The following LRRC9 variants were observed in gnomAD, a reference collection of about 807,000 sequenced individuals.
LRRC9 encodes leucine-rich repeat-containing protein 9.
LRRC9 carries 122 observed loss-of-function variants against 63.2 expected under a neutral mutation model. That is an observed-to-expected ratio of 1.93 (90% confidence interval 1.67 to 2.24). The LOEUF (loss-of-function observed/expected upper bound fraction) is 2.24, where lower values mean the gene tolerates loss of function less well. LRRC9 is among the 30% of genes most tolerant of loss of function. The pLI is 0.00. For missense variants in LRRC9, 1,071 were observed against 627.7 expected, an observed-to-expected ratio of 1.71 and a Z score of -7.55; for synonymous variants, 366 against 213.1, an observed-to-expected ratio of 1.72 and a Z score of -6.25.
chr14:59,991,866 T>C (rs980654858), intron 17 of LRRC9, among the ~76,000 whole-genome samples: 53 of 145,940 alleles, frequency 3.6e-4, no homozygotes, highest in Admixed American at 4.7e-4. Flanking sequence ...TGCCTGCCTC[T>C]GTAGACTCCA....
intron 16 of LRRC9, among the ~76,000 whole-genome samples, chr14:59,982,552 T>C (rs1887044638): frequency 6.6e-6 from 1 of 152,152 alleles, no homozygotes; most frequent in Admixed American, 6.5e-5. Flanking sequence ...GAGCTGATTT[T>C]ATAACAAATT....
At chr14:59,976,031 T>A (rs1445245344) in intron 13 of LRRC9, among the ~76,000 whole-genome samples, 2 of 152,224 alleles carry the variant, frequency 1.3e-5, no homozygotes, top group Admixed American at 1.3e-4. Context: ...TTGATTCTTA[T>A]AGGGGCGCGA....
intron 12 of LRRC9, among the ~76,000 whole-genome samples, chr14:59,968,479 G>T (rs1885101506): frequency 6.6e-6 from 1 of 152,162 alleles, no homozygotes; most frequent in South Asian, 2.1e-4. Flanking sequence ...CCCCAAAAAA[G>T]CATTCCATCC....
chr14:59,982,496 C>T (rs529161971), intron 16 of LRRC9, among the ~76,000 whole-genome samples: 1 of 152,044 alleles, frequency 6.6e-6, no homozygotes, highest in Non-Finnish European at 1.5e-5. Flanking sequence ...CATAAAATGG[C>T]AGTGGGCATC....
In LRRC9 at chr14:59,923,833, C is replaced by G. The variant is rs1320950301; in HGVS notation, c.-34+3950C>G. The stretch of plus-strand genomic sequence containing the variant: ...GCAGGCGCCTATAGTTCCAGCGACT[C>G]CGAAGGCTGAGGCAGGAGTATGGCG... On this transcript the variant is annotated intron_variant, in intron 1 of 31. Coordinates refer to ENST00000445360, the Ensembl canonical transcript of LRRC9. This position sits in a 1 kb window ranked among gnomAD's most constrained non-coding sequence, Gnocchi z 4.2. Among the ~76,000 whole-genome samples the G allele has an allele frequency of 6.6e-6, 1 of 152,126 alleles. No individual in the cohort carries two copies. Among genetic ancestry groups the G allele is most frequent in the Middle Eastern group, 3.2e-3 (1 of 316 alleles).
chr14:59,920,686 C>T (rs1888697510), intron 1 of LRRC9, among the ~76,000 whole-genome samples: 2 of 152,144 alleles, frequency 1.3e-5, no homozygotes, highest in African/African-American at 4.8e-5. Flanking sequence ...TTGACCCATA[C>T]AGGACTTCTA....
chr14:59,963,748 A>G (rs1199670196), intron 10 of LRRC9, among the ~76,000 whole-genome samples: 1 of 152,138 alleles, frequency 6.6e-6, no homozygotes. Flanking sequence ...CTTTATAAAG[A>G]TTTCATGCTA....
intron 29 of LRRC9, among the ~76,000 whole-genome samples, chr14:60,039,131 A>T (rs1248565766): frequency 2.0e-5 from 3 of 152,234 alleles, no homozygotes; most frequent in Non-Finnish European, 2.9e-5. Context: ...ATCGTGGTGG[A>T]TAAGCTTTTT....
intron 12 of LRRC9, among the ~76,000 whole-genome samples, chr14:59,973,682 ATT>A (rs1885785993): frequency 6.6e-6 from 1 of 151,940 alleles, no homozygotes; most frequent in Non-Finnish European, 1.5e-5. Flanking sequence ...TTTGTATTGC[ATT>A]TTTTTCCTGA....
chr14:59,953,071 G>T (rs1269048884), intron 8 of LRRC9, among the ~76,000 whole-genome samples: 1 of 152,206 alleles, frequency 6.6e-6, no homozygotes, highest in Non-Finnish European at 1.5e-5. Flanking sequence ...ATGGGCATTT[G>T]TGTTGGTTCC....
chr14:59,938,988 C>T lies in LRRC9; in HGVS notation c.726+416C>T, dbSNP rs1266663232. Among the ~76,000 whole-genome samples, 3 of 119,496 alleles carry T rather than the reference C, an allele frequency of 2.5e-5. No homozygotes were observed. Among genetic ancestry groups the T allele is most frequent in the East Asian group, 2.5e-4 (1 of 4,070 alleles). The allele number at this position is 119,496 out of a possible 152,430, so 78.4% of individuals were successfully genotyped here. ...ATATATACATATATACATATATACA[C>T]ACATATATACATATACATATATACA... is the stretch of plus-strand genomic sequence containing the variant. On this transcript the variant is annotated intron_variant, in intron 7 of 31. Transcript: ENST00000445360. This position sits in a 1 kb window ranked among gnomAD's most constrained non-coding sequence, Gnocchi z 4.2.
chr14:59,928,214 C>A (rs529403879), intron 2 of LRRC9, 54 bp from the exon 3 acceptor site: 1 of 564,042 alleles, frequency 1.8e-6, no homozygotes, highest in Non-Finnish European at 3.1e-6. Flanking sequence ...TGGTAAAAGT[C>A]ATCTTTTAAT....
intron 16 of LRRC9, among the ~76,000 whole-genome samples, chr14:59,983,736 T>G (rs1594939975): frequency 6.6e-6 from 1 of 151,816 alleles, no homozygotes; most frequent in Non-Finnish European, 1.5e-5. Flanking sequence ...GCTGGAAGAG[T>G]ATGAGGTTGT....
At chr14:60,038,424 T>C (rs985606533) in intron 29 of LRRC9, among the ~76,000 whole-genome samples, 5 of 152,190 alleles carry the variant, frequency 3.3e-5, no homozygotes, top group African/African-American at 1.2e-4. Flanking sequence ...CATTTGTTTG[T>C]GTCCTCTTTT....
chr14:59,995,995 C>T (rs1888743916), intron 17 of LRRC9, among the ~76,000 whole-genome samples: 1 of 152,164 alleles, frequency 6.6e-6, no homozygotes, highest in Non-Finnish European at 1.5e-5. Flanking sequence ...CCGCCTCAGC[C>T]TCCCAAAGTG....
rs1032393760 is a variant in LRRC9, at chr14:59,923,166, G to A, written c.-34+3283G>A. ...GAACCCTTGAGTCCATTTGTGACTG[G>A]AGAAAACATACAAGACTTGTAAGTA... On this transcript the variant is annotated intron_variant, in intron 1 of 31. Transcript: ENST00000445360. The surrounding 1 kb of genome is among the most constrained non-coding windows in gnomAD (Gnocchi z 4.2). Among the ~76,000 whole-genome samples, 5 of 152,162 alleles carry A rather than the reference G, an allele frequency of 3.3e-5. No individual in the cohort carries two copies. The highest frequency in any genetic ancestry group is 6.5e-5 in the Admixed American group (1 of 15,274).
At chr14:60,028,250 C>G (rs1891711569) in intron 28 of LRRC9, 149 bp downstream of exon 28, 1 of 578,386 alleles carries the variant, frequency 1.7e-6, no homozygotes, top group Non-Finnish European at 3.1e-6. Flanking sequence ...TAGAAATAGT[C>G]TGTGATGCAG....
rs868302715 is a variant in LRRC9 at position 60,042,161 on chromosome 14, C to G, written c.3990+10098C>G. Among the ~76,000 whole-genome samples, 1 of 152,248 alleles carries G rather than the reference C, an allele frequency of 6.6e-6. No homozygotes were observed. ...TGTATGAGGTGTCAGTCAGCCCCTA[C>G]TGGGACGTGCCTCCCAGTTAGGCTA... On this transcript the variant is annotated intron_variant, in intron 29 of 31. Coordinates refer to ENST00000445360, the Ensembl canonical transcript of LRRC9. The surrounding 1 kb of genome is among the most constrained non-coding windows in gnomAD (Gnocchi z 4.2).
rs1210764511 is a variant in LRRC9 at position 60,059,774 on chromosome 14, G to A, written c.4276+1752G>A. 7.2e-5 allele frequency among the ~76,000 whole-genome samples: 11 copies of A among 152,308 alleles called. No homozygotes were observed. In the East Asian group the frequency reaches 1.9e-3, roughly 27 times the overall value. On this transcript the variant is annotated intron_variant, in intron 31 of 31. Transcript: ENST00000445360. ...TTATGAGGTTTAAGGAAAGAATCAC[G>A]AACTATTATATCAGGCAACATAAAA... is the stretch of plus-strand genomic sequence containing the variant.
Sources: allele counts gnomAD v4.1 joint callset (sites outside exome capture counted in the v4.1 genomes callset), GRCh38; gene constraint gnomAD v4.1.1; non-coding constraint Gnocchi (gnomAD v3.1); transcripts MANE v1.5; gene names NCBI Gene and HGNC (gene_info 2026-07-23, HGNC 2026-07-21).